DYNLT3: variants seen among roughly 807,000 people sequenced by gnomAD.
The protein encoded by DYNLT3 is protein 91/23.
Under a neutral mutation model 11.0 loss-of-function variants are expected in DYNLT3, and 4 were observed. The observed-to-expected ratio is 0.36, with a 90% CI of 0.18 to 0.83. The LOEUF (loss-of-function observed/expected upper bound fraction) is 0.83, where lower values mean the gene tolerates loss of function less well. DYNLT3 is among the 40% of genes least tolerant of loss of function. The pLI is 0.47. For synonymous variants in DYNLT3, 37 were observed against 31.2 expected, an observed-to-expected ratio of 1.18 and a Z score of -0.61; for missense variants, 91 against 91.1, an observed-to-expected ratio of 1.00 and a Z score of 0.01.
At chrX:37,841,219 A>T in intron 3 of DYNLT3, 114 bp from the exon 4 acceptor site, 1 of 571,389 alleles carries the variant, frequency 1.8e-6, no homozygotes, top group Non-Finnish European at 2.7e-6. Flanking sequence ...AAACAAACAA[A>T]CAAACAAAAA....
intron 2 of DYNLT3, among the ~76,000 whole-genome samples, chrX:37,844,036 T>A (rs1349007376): frequency 1.8e-5 from 2 of 111,763 alleles, no homozygotes; most frequent in Non-Finnish European, 3.8e-5. Flanking sequence ...CATATAAAAA[T>A]TCAAGAGAAG....
At chrX:37,845,409 G>C (rs950261883) in intron 2 of DYNLT3, among the ~76,000 whole-genome samples, 3 of 111,932 alleles carry the variant, frequency 2.7e-5, no homozygotes, top group African/African-American at 9.8e-5. Context: ...TCCCCTGCCA[G>C]AATTAATTCC....
In DYNLT3 at chrX:37,841,922, G is replaced by A. The variant is rs770922458; in HGVS notation, c.73-17C>T. 9 of 1,083,627 alleles carry A rather than the reference G, an allele frequency of 8.3e-6. No homozygotes were observed. Among genetic ancestry groups the A allele is most frequent in the Middle Eastern group, 5.2e-4 (2 of 3,838 alleles). The allele number at this position is 1,083,627 out of a possible 1,213,427, so 89.3% of individuals were successfully genotyped here. A position where few individuals can be genotyped will look rare whatever the true frequency, so the allele number is the denominator to read the frequency against. ...ATCTACACACTAAAAGGGCACAGAGGGCAGTTAATTTAGTCAGTAAAATTG... is the reference window on the plus strand; with the variant it reads ...ATCTACACACTAAAAGGGCACAGAGAGCAGTTAATTTAGTCAGTAAAATTG... On this transcript the variant is annotated splice_polypyrimidine_tract_variant and intron_variant, in intron 2 of 4. Coordinates refer to ENST00000378578, the MANE Select transcript of DYNLT3 (RefSeq NM_006520.3).
At chrX:37,841,947 G>T in intron 2 of DYNLT3, 42 bp from the exon 3 acceptor site, 3 of 1,041,718 alleles carry the variant, frequency 2.9e-6, no homozygotes, top group Non-Finnish European at 3.8e-6. Context: ...CAGTAAAATT[G>T]TTCAAAAAGA....
intron 2 of DYNLT3, among the ~76,000 whole-genome samples, chrX:37,846,015 A>G (rs1930260485): frequency 9.0e-6 from 1 of 111,484 alleles, no homozygotes; most frequent in South Asian, 3.8e-4. Context: ...TACTAAAAAT[A>G]CAAAAATTGG....
chrX:37,839,739 G>A lies in DYNLT3; in HGVS notation c.*836C>T, dbSNP rs970787256. 27 of 111,685 alleles carry A rather than the reference G, an allele frequency of 2.4e-4. No homozygotes were observed. The highest frequency in any genetic ancestry group is 5.7e-4 in the Admixed American group (6 of 10,461). The allele number at this position is 111,685 out of a possible 1,213,427, so 9.2% of individuals were successfully genotyped here. On this transcript the variant is annotated 3_prime_UTR_variant, in exon 5 of 5. Transcript: ENST00000378578. ...CTTTTCCTTCCCCAAATATTAATAC[G>A]TCTTCCAACTGAACAATTGCTAAAA... is the stretch of plus-strand genomic sequence containing the variant.
rs905297419 is a variant in DYNLT3, at chrX:37,847,561, G to A, written c.-51C>T. ...GAGCGACACGCCGGTAGAGCACCGC[G>A]GCCGCGCACTGGCCTCCGGGGAGGC... is the stretch of plus-strand genomic sequence containing the variant. On this transcript the variant is annotated 5_prime_UTR_variant, in exon 1 of 5. Transcript: ENST00000378578. 7 of 954,357 alleles carry A rather than the reference G, an allele frequency of 7.3e-6. No individual in the cohort carries two copies. Among genetic ancestry groups the A allele is most frequent in the Non-Finnish European group, 2.6e-6 (2 of 759,985 alleles). The allele number at this position is 954,357 out of a possible 1,213,427, so 78.6% of individuals were successfully genotyped here. A position where few individuals can be genotyped will look rare whatever the true frequency, so the allele number is the denominator to read the frequency against.
chrX:37,841,878 C>A lies in DYNLT3; in HGVS notation c.100G>T (p.Asp34Tyr). Residue 34 changes from aspartate to tyrosine, a missense_variant, in exon 3 of 5, where the codon GAT becomes TAT. Asp to Tyr is a radical substitution (Grantham distance 160, BLOSUM62 -3). Transcript: ENST00000378578. ...ECVDGVLGGE[D>Y]YNHNNINQWT... Reference sequence around the variant, plus strand: ...TGGTTGATGTTGTTGTGATTATAATCTTCACCACCTAAAACCCCATCTACA... The same window carrying A: ...TGGTTGATGTTGTTGTGATTATAATATTCACCACCTAAAACCCCATCTACA... 8.7e-7 allele frequency: 1 copy of A among 1,147,315 alleles called. No homozygotes were observed. Among genetic ancestry groups the A allele is most frequent in the Non-Finnish European group, 1.2e-6 (1 of 851,992 alleles). The allele number at this position is 1,147,315 out of a possible 1,213,427, so 94.6% of individuals were successfully genotyped here.
intron 1 of DYNLT3, chrX:37,847,264 C>T: frequency 1.1e-6 from 1 of 896,768 alleles, no homozygotes; most frequent in Non-Finnish European, 1.5e-6. Flanking sequence ...CTGATCCGCG[C>T]GCTCCTGGCC....
intron 2 of DYNLT3, among the ~76,000 whole-genome samples, chrX:37,845,144 G>A (rs1012907): frequency 0.12 from 13,332 of 111,295 alleles, 1,146 homozygotes; most frequent in African/African-American, 0.31. Context: ...CCACCTCCCA[G>A]TTTCCCTCAT....
chrX:37,842,154 G>C (rs1302969851), intron 2 of DYNLT3, among the ~76,000 whole-genome samples: 2 of 111,402 alleles, frequency 1.8e-5, no homozygotes, highest in Non-Finnish European at 3.8e-5. Flanking sequence ...AGATAAATAT[G>C]TCATGGCTTC....
chrX:37,841,514 A>AG lies in DYNLT3; in HGVS notation c.196+267dup, dbSNP rs372598935. On this transcript the variant is annotated intron_variant, in intron 3 of 4. Transcript: ENST00000378578. ...TACCGAAAGAAACACAGTTGAGCTA[A>AG]GGGGGGGTCTCAGTGGAAAGAAAGA... is the stretch of plus-strand genomic sequence containing the variant. Among the ~76,000 whole-genome samples, 321 of 111,459 alleles carry AG rather than the reference A, an allele frequency of 2.9e-3. 2 individuals carry two copies. The highest frequency in any genetic ancestry group is 0.01 in the African/African-American group (308 of 30,666).
At chrX:37,842,520 T>C (rs973157789) in intron 2 of DYNLT3, among the ~76,000 whole-genome samples, 8 of 111,885 alleles carry the variant, frequency 7.2e-5, no homozygotes, top group South Asian at 3.7e-4. Context: ...ATAAAGATGC[T>C]CTAGAAAGAT....
chrX:37,842,125 G>C lies in DYNLT3; in HGVS notation c.73-220C>G, dbSNP rs776282349. ...CCACTTGCATTATCTCACTCTATGA[G>C]ATACTATGGGCCATATAAAGATAAA... is the stretch of plus-strand genomic sequence containing the variant. On this transcript the variant is annotated intron_variant, in intron 2 of 4. Transcript: ENST00000378578. Among the ~76,000 whole-genome samples, 163 of 111,591 alleles carry C rather than the reference G, an allele frequency of 1.5e-3. 1 individual carries two copies. The highest frequency in any genetic ancestry group is 5.1e-3 in the African/African-American group (158 of 30,805).
chrX:37,843,585 G>A (rs963802053), intron 2 of DYNLT3, among the ~76,000 whole-genome samples: 3 of 111,855 alleles, frequency 2.7e-5, no homozygotes, highest in East Asian at 2.8e-4. Flanking sequence ...TGATATACTC[G>A]CTGGGTATCT....
At chrX:37,847,252 G>A (rs1930283269) in intron 1 of DYNLT3, 2 of 938,098 alleles carry the variant, frequency 2.1e-6, no homozygotes, top group South Asian at 5.1e-5. Flanking sequence ...CGACCCCACC[G>A]TCTGATCCGC....
In DYNLT3 at chrX:37,841,862, T is replaced by A. The variant is rs1473456811; in HGVS notation, c.116A>T (p.Asn39Ile). The A allele has an allele frequency of 2.6e-6, 3 of 1,157,698 alleles. No homozygotes were observed. Among genetic ancestry groups the A allele is most frequent in the Non-Finnish European group, 3.5e-6 (3 of 858,764 alleles). Residue 39 changes from asparagine (N) to isoleucine (I), a missense_variant, in exon 3 of 5, where the codon AAC (asparagine) becomes ATC (isoleucine). Transcript: ENST00000378578. ...VLGGEDYNHN[N>I]INQWTASIVE... ...TATGCTTGCAGTCCACTGGTTGATG[T>A]TGTTGTGATTATAATCTTCACCACC...
intron 2 of DYNLT3, 132 bp from the exon 3 acceptor site, chrX:37,842,037 T>A: frequency 1.6e-6 from 1 of 606,269 alleles, no homozygotes; most frequent in Non-Finnish European, 2.3e-6. Flanking sequence ...TCTTAGAAAA[T>A]ATACACTTGG....
intron 2 of DYNLT3, among the ~76,000 whole-genome samples, chrX:37,843,973 T>C (rs1008800559): frequency 1.3e-4 from 14 of 111,813 alleles, no homozygotes; most frequent in Non-Finnish European, 1.9e-5. Context: ...AAGATAGACA[T>C]TTAGCTGCAA....
Sources: gnomAD v4.1 joint callset for allele counts (sites outside exome capture counted in the v4.1 genomes callset) on GRCh38, gnomAD v4.1.1 for gene constraint, MANE v1.5 for transcripts, NCBI Gene and HGNC (gene_info 2026-07-23, HGNC 2026-07-21) for gene names.